Variants in PRELID2 observed in about 807,000 individuals in gnomAD.
The protein encoded by PRELID2 is PRELI domain-containing protein 2.
Under a neutral mutation model 28.4 loss-of-function variants are expected in PRELID2, and 25 were observed. The ratio of observed to expected loss-of-function variants is 0.88; its 90% CI spans 0.64 to 1.23. PRELID2 has a LOEUF of 1.23. Ranked by LOEUF, PRELID2 falls within the 50% of genes most tolerant of loss-of-function variation. The pLI is 0.00. For synonymous variants in PRELID2, 76 were observed against 71.6 expected (o/e 1.06, Z -0.31); for missense variants, 201 against 214.4 (o/e 0.94, Z 0.39).
intron 1 of PRELID2, among the ~76,000 whole-genome samples, chr5:145,528,726 CAGAGAG>C (rs1035893212): frequency 4.1e-4 from 22 of 53,666 alleles, no homozygotes; most frequent in East Asian, 3.2e-3. Context: ...CACACACACA[CAGAGAG>C]AGAGAGAGAG....
At chr5:145,237,876 G>A in the PRELID2 span, among the ~76,000 whole-genome samples, 8,940 of 152,116 alleles carry the variant, frequency 0.059, 489 homozygotes, top group African/African-American at 0.14. Flanking sequence ...CAGTGTTACT[G>A]ATCCTCTAAC....
At chr5:145,415,022 C>A in the PRELID2 span, among the ~76,000 whole-genome samples, 1 of 152,100 alleles carries the variant, frequency 6.6e-6, no homozygotes, top group Non-Finnish European at 1.5e-5. Flanking sequence ...AACTCTCCAC[C>A]CCAAAATAAC....
the PRELID2 span, among the ~76,000 whole-genome samples, chr5:145,237,166 G>A: frequency 6.6e-6 from 1 of 152,074 alleles, no homozygotes; most frequent in African/African-American, 2.4e-5. Flanking sequence ...GCAGCAATGA[G>A]GAATTGCAGA....
At chr5:145,756,136 G>A (rs972510849), downstream of PRELID2, among the ~76,000 whole-genome samples, 3 of 152,134 alleles carry the variant, frequency 2.0e-5, 1 homozygote, top group Non-Finnish European at 4.4e-5. Context: ...GGCCCACCCA[G>A]GTCACTCAAT....
At chr5:145,589,648 T>C (rs1753201628) in intron 1 of PRELID2, among the ~76,000 whole-genome samples, 1 of 152,202 alleles carries the variant, frequency 6.6e-6, no homozygotes, top group Admixed American at 6.6e-5. Flanking sequence ...GTAGCCTCAG[T>C]GCTTTTCTGG....
intron 1 of PRELID2, among the ~76,000 whole-genome samples, chr5:145,741,796 A>G (rs186176062): frequency 0.84 from 97,015 of 115,710 alleles, 41,520 homozygotes; most frequent in East Asian, 0.92. Flanking sequence ...TAAAGTATTT[A>G]TATATAAATT....
At chr5:145,345,214 C>T in the PRELID2 span, among the ~76,000 whole-genome samples, 1 of 152,002 alleles carries the variant, frequency 6.6e-6, no homozygotes, top group Non-Finnish European at 1.5e-5. Flanking sequence ...CTTTTTATTT[C>T]AAAATGTACT....
At chr5:145,717,234 T>C (rs183228674) in intron 1 of PRELID2, among the ~76,000 whole-genome samples, 321 of 152,134 alleles carry the variant, frequency 2.1e-3, no homozygotes, top group Middle Eastern at 3.4e-3. Flanking sequence ...TGACAGAAAG[T>C]AGATTAATGG....
At position 145,652,889 on chromosome 5, in the gene PRELID2, C is replaced by G. The variant is rs571570208; in HGVS notation, n.70+112042G>C. Among the ~76,000 whole-genome samples, 299 of 152,260 alleles carry G rather than the reference C, an allele frequency of 2.0e-3. 2 individuals carry two copies. Among genetic ancestry groups the G allele is most frequent in the African/African-American group, 6.8e-3 (284 of 41,554 alleles). On this transcript the variant is annotated intron_variant and non_coding_transcript_variant, in intron 1 of 2. Coordinates refer to the PRELID2 transcript ENST00000510259. The stretch of plus-strand genomic sequence containing the variant: ...ATCATCATAATGACAGGATCAAATT[C>G]ACACATAACGATATTAACATTAAAC...
chr5:145,707,338 T>A (rs150395665), intron 1 of PRELID2, among the ~76,000 whole-genome samples: 41 of 152,296 alleles, frequency 2.7e-4, no homozygotes, highest in African/African-American at 9.4e-4. Context: ...AAGGGCCAAG[T>A]GGCCAACCTG....
At chr5:145,741,790 GTATT>G (rs1756793266) in intron 1 of PRELID2, among the ~76,000 whole-genome samples, 1 of 59,394 alleles carries the variant, frequency 1.7e-5, no homozygotes, top group South Asian at 5.0e-4. Context: ...TATTTATAAA[GTATT>G]TATATATAAA....
At chr5:145,773,807 A>G (rs1467836064) in intron 5 of PRELID2, among the ~76,000 whole-genome samples, 1 of 152,220 alleles carries the variant, frequency 6.6e-6, no homozygotes, top group Non-Finnish European at 1.5e-5. Flanking sequence ...CTATTCTGAG[A>G]TAAAGTGGTT....
intron 1 of PRELID2, among the ~76,000 whole-genome samples, chr5:145,519,815 C>CA (rs1045622939): frequency 9.2e-5 from 14 of 152,142 alleles, no homozygotes; most frequent in Non-Finnish European, 1.9e-4. Context: ...TTTTATATTA[C>CA]AAAAAAATTA....
intron 1 of PRELID2, among the ~76,000 whole-genome samples, chr5:145,633,383 C>T (rs1386741483): frequency 6.6e-6 from 1 of 152,168 alleles, no homozygotes; most frequent in Non-Finnish European, 1.5e-5. Flanking sequence ...GTTTCATGTA[C>T]CTCCAGTTCC....
chr5:145,606,730 A>C (rs1263877543), intron 1 of PRELID2, among the ~76,000 whole-genome samples: 2 of 151,742 alleles, frequency 1.3e-5, no homozygotes, highest in Admixed American at 6.6e-5. Context: ...ATTTTTCTTT[A>C]TTTATTGTGT....
intron 1 of PRELID2, among the ~76,000 whole-genome samples, chr5:145,601,049 G>A (rs1256389664): frequency 1.3e-5 from 2 of 152,054 alleles, no homozygotes. Context: ...CTAACTACTG[G>A]GGAGACTGAG....
At chr5:145,239,761 C>G in the PRELID2 span, among the ~76,000 whole-genome samples, 2 of 151,968 alleles carry the variant, frequency 1.3e-5, no homozygotes, top group African/African-American at 2.4e-5. Context: ...TTCTGCCCTA[C>G]TCAAGTGGCC....
intron 5 of PRELID2, among the ~76,000 whole-genome samples, chr5:145,791,046 AT>A (rs1752356841): frequency 6.6e-6 from 1 of 152,114 alleles, no homozygotes; most frequent in African/African-American, 2.4e-5. Context: ...CACACTGCTA[AT>A]AAAGACATAC....
chr5:145,350,207 T>C, the PRELID2 span, among the ~76,000 whole-genome samples: 2,360 of 152,328 alleles, frequency 0.015, 55 homozygotes, highest in African/African-American at 0.053. Flanking sequence ...TAGTAGTTTC[T>C]CAATCATAAT....
Sources: allele counts gnomAD v4.1 joint callset (sites outside exome capture counted in the v4.1 genomes callset), GRCh38; gene constraint gnomAD v4.1.1; transcripts MANE v1.5; gene names NCBI Gene and HGNC (gene_info 2026-07-23, HGNC 2026-07-21).